The following PPP2R2B variants were observed in gnomAD, a reference collection of about 807,000 sequenced individuals.
PPP2R2B encodes the protein serine/threonine-protein phosphatase 2A 55 kDa regulatory subunit B beta isoform.
Under a neutral mutation model 46.0 loss-of-function variants are expected in PPP2R2B, and 5 were observed. The ratio of observed to expected loss-of-function variants is 0.11; its 90% CI spans 0.06 to 0.23. PPP2R2B has a LOEUF of 0.23. Ranked by LOEUF, PPP2R2B falls within the 10% of genes least tolerant of loss-of-function variation. PPP2R2B has a pLI of 1.00. For missense variants in PPP2R2B, 367 were observed against 575.0 expected (o/e 0.64, Z 3.70); for synonymous variants, 215 against 206.7 (o/e 1.04, Z -0.34).
At chr5:147,078,686 T>A (rs902384259) in intron 2 of PPP2R2B, among the ~76,000 whole-genome samples, 1 of 151,926 alleles carries the variant, frequency 6.6e-6, no homozygotes, top group African/African-American at 2.4e-5. Flanking sequence ...TGGGTGCCTG[T>A]AGTCTCAGCT....
intron 2 of PPP2R2B, among the ~76,000 whole-genome samples, chr5:146,783,767 T>A (rs1329363848): frequency 6.6e-6 from 1 of 152,204 alleles, no homozygotes; most frequent in African/African-American, 2.4e-5. Context: ...AAATGAAGCC[T>A]CTGAGGAACA....
intron 2 of PPP2R2B, among the ~76,000 whole-genome samples, chr5:146,711,215 T>C (rs1780197953): frequency 6.6e-6 from 1 of 150,700 alleles, no homozygotes; most frequent in South Asian, 2.1e-4. Flanking sequence ...TCTTAGTATA[T>C]AACAGATGCT....
At chr5:146,937,679 A>T (rs1243026185) in intron 1 of PPP2R2B, among the ~76,000 whole-genome samples, 1 of 152,030 alleles carries the variant, frequency 6.6e-6, no homozygotes, top group African/African-American at 2.4e-5. Flanking sequence ...CCGCAGTTAC[A>T]CCTTCACGGA....
At chr5:146,916,727 GA>G in intron 1 of PPP2R2B, among the ~76,000 whole-genome samples, 1 of 152,196 alleles carries the variant, frequency 6.6e-6, no homozygotes, top group South Asian at 2.1e-4. Context: ...GACTATGCCA[GA>G]ATAGCAACTC....
intron 1 of PPP2R2B, among the ~76,000 whole-genome samples, chr5:147,046,089 G>A (rs1756530295): frequency 2.6e-5 from 4 of 152,090 alleles, no homozygotes; most frequent in Admixed American, 2.6e-4. Flanking sequence ...TTCCATAAGA[G>A]CAGGAACCAT....
upstream of PPP2R2B, among the ~76,000 whole-genome samples, chr5:147,059,528 A>G (rs986861178): frequency 3.3e-5 from 5 of 152,132 alleles, no homozygotes; most frequent in African/African-American, 1.2e-4. Flanking sequence ...AGGTTTCTGG[A>G]GGGAGAGCTC....
At chr5:147,011,558 A>G (rs1262560561) in intron 1 of PPP2R2B, among the ~76,000 whole-genome samples, 2 of 152,066 alleles carry the variant, frequency 1.3e-5, no homozygotes, top group African/African-American at 4.8e-5. Context: ...TCCTAATTGA[A>G]TACCCTTTAT....
intron 2 of PPP2R2B, among the ~76,000 whole-genome samples, chr5:147,073,262 A>T (rs1757657493): frequency 6.6e-6 from 1 of 152,252 alleles, no homozygotes; most frequent in Non-Finnish European, 1.5e-5. Flanking sequence ...GCTTACAAAG[A>T]GAACAGGATG....
In PPP2R2B at chr5:146,898,139, T is replaced by C. The variant is rs148776971; in HGVS notation, c.79+157526A>G. On this transcript the variant is annotated intron_variant, in intron 1 of 8. Coordinates refer to the PPP2R2B transcript ENST00000336640. ...AGCGGAGGTTGCAGTGAACTGAGAT[T>C]GCATCACTGCATTCCAGCCTGGGCG... Among the ~76,000 whole-genome samples the C allele has an allele frequency of 9.8e-3, 1,492 of 152,270 alleles. 18 individuals carry two copies. Among genetic ancestry groups the C allele is most frequent in the African/African-American group, 0.034 (1,411 of 41,550 alleles).
chr5:147,072,762 T>C (rs1034846489), intron 2 of PPP2R2B, among the ~76,000 whole-genome samples: 34 of 152,202 alleles, frequency 2.2e-4, no homozygotes, highest in African/African-American at 8.2e-4. Flanking sequence ...CTTATTAACA[T>C]ATCCTTTCAT....
intron 1 of PPP2R2B, among the ~76,000 whole-genome samples, chr5:147,023,820 T>C (rs190819094): frequency 2.0e-5 from 3 of 152,058 alleles, no homozygotes; most frequent in East Asian, 3.9e-4. Flanking sequence ...TTCCAATCCA[T>C]TGAGGGCCCA....
intron 2 of PPP2R2B, among the ~76,000 whole-genome samples, chr5:146,724,685 C>T (rs977457837): frequency 6.6e-6 from 1 of 152,126 alleles, no homozygotes; most frequent in Non-Finnish European, 1.5e-5. Flanking sequence ...ATCCCATTAA[C>T]ACGGTCCCAA....
intron 2 of PPP2R2B, among the ~76,000 whole-genome samples, chr5:146,827,708 C>A (rs61176886): frequency 1.3e-5 from 2 of 152,072 alleles, no homozygotes; most frequent in African/African-American, 2.4e-5. Context: ...GATAAAGTAT[C>A]GACTCCATGC....
intron 1 of PPP2R2B, among the ~76,000 whole-genome samples, chr5:146,888,044 G>T (rs778031997): frequency 6.6e-6 from 1 of 152,206 alleles, no homozygotes; most frequent in African/African-American, 2.4e-5. Flanking sequence ...CCTGGGCATT[G>T]CTCTCTCTTT....
intron 2 of PPP2R2B, among the ~76,000 whole-genome samples, chr5:146,870,520 G>C (rs1761555460): frequency 6.6e-6 from 1 of 152,142 alleles, no homozygotes; most frequent in South Asian, 2.1e-4. Flanking sequence ...CTTGATCGTG[G>C]ACTTCCAGAC....
Position 146,586,382 on chromosome 5 carries a change from A to G in PPP2R2B, c.*3565T>C, listed in dbSNP as rs1770165420. ...CAGGGCTTTCTTGAGCCCTGCAGGCAGCTAGCAAAGGGACTGAAAAAGAAA... is the reference window on the plus strand; with the variant it reads ...CAGGGCTTTCTTGAGCCCTGCAGGCGGCTAGCAAAGGGACTGAAAAAGAAA... On this transcript the variant is annotated 3_prime_UTR_variant, in exon 10 of 10. Coordinates refer to ENST00000394411, the MANE Select transcript of PPP2R2B (RefSeq NM_181675.4). 6.6e-6 allele frequency: 1 copy of G among 152,232 alleles called. No homozygotes were observed. The highest frequency in any genetic ancestry group is 1.5e-5 in the Non-Finnish European group (1 of 68,066). 9.4% of individuals were successfully genotyped at this position (152,232 alleles called of 1,614,324 possible).
chr5:146,784,342 G>A (rs1057126262), intron 2 of PPP2R2B, among the ~76,000 whole-genome samples: 3 of 152,168 alleles, frequency 2.0e-5, no homozygotes, highest in African/African-American at 7.2e-5. Context: ...AAAAATAAAT[G>A]TAGCCATTAT....
intron 1 of PPP2R2B, among the ~76,000 whole-genome samples, chr5:146,985,103 C>G (rs761238897): frequency 6.9e-6 from 1 of 145,502 alleles, no homozygotes; most frequent in African/African-American, 2.5e-5. Context: ...TCACTGCAAC[C>G]TATGCCTCCC....
intron 1 of PPP2R2B, among the ~76,000 whole-genome samples, chr5:146,979,598 C>T (rs556631060): frequency 9.9e-5 from 15 of 150,840 alleles, no homozygotes; most frequent in Non-Finnish European, 1.9e-4. Flanking sequence ...CACACACACA[C>T]GCTAGTCCCT....
Sources: allele counts gnomAD v4.1 joint callset (sites outside exome capture counted in the v4.1 genomes callset), GRCh38; gene constraint gnomAD v4.1.1; transcripts MANE v1.5; gene names NCBI Gene and HGNC (gene_info 2026-07-23, HGNC 2026-07-21).